The following ITCH variants were observed in gnomAD, a reference collection of about 807,000 sequenced individuals.
ITCH encodes the protein E3 ubiquitin-protein ligase Itchy homolog.
A neutral mutation model predicts 126.8 loss-of-function variants in ITCH; 28 were observed. The observed-to-expected ratio is 0.22, with a 90% CI of 0.16 to 0.30. ITCH has a LOEUF of 0.30. Among genes scored for constraint, ITCH ranks in the 10% least tolerant of loss-of-function variants. The pLI, the probability that ITCH is intolerant of heterozygous loss-of-function variation, is 1.00. For missense variants in ITCH, 631 were observed against 1,032.4 expected, an observed-to-expected ratio of 0.61 and a Z score of 5.33; for synonymous variants, 342 against 340.0, an observed-to-expected ratio of 1.01 and a Z score of -0.06.
chr20:34,473,695 T>G (rs1409118875), intron 16 of ITCH, among the ~76,000 whole-genome samples: 1 of 152,248 alleles, frequency 6.6e-6, no homozygotes, highest in Non-Finnish European at 1.5e-5. Context: ...TCAAACTTCT[T>G]TGATAGTGTT....
chr20:34,392,984 A>G (rs2038539468), intron 2 of ITCH, among the ~76,000 whole-genome samples: 1 of 152,214 alleles, frequency 6.6e-6, no homozygotes, highest in Admixed American at 6.5e-5. Context: ...GATGCTATTT[A>G]AAGCTATCTG....
rs1978344820 is a variant in ITCH at position 34,508,031 on chromosome 20, T to TGG, written c.*238_*239insGG. 8.4e-6 allele frequency: 4 copies of TGG among 477,114 alleles called. No homozygotes were observed. The highest frequency in any genetic ancestry group is 1.5e-5 in the Non-Finnish European group (4 of 259,368). The allele number at this position is 477,114 out of a possible 1,614,324, so 29.6% of individuals were successfully genotyped here. ...TTAACATGAGATTTTAACACAACAA[T>TGG]GAAATTTGCCTTGTCTTATTCCACT... On this transcript the variant is annotated 3_prime_UTR_variant, in exon 25 of 25. Transcript: ENST00000374864.
intron 7 of ITCH, among the ~76,000 whole-genome samples, chr20:34,427,481 A>T (rs954655678): frequency 8.5e-5 from 13 of 152,108 alleles, no homozygotes; most frequent in African/African-American, 3.1e-4. Context: ...GCCTGGTGGC[A>T]CGTGCCTGTA....
rs184323628 is a variant in ITCH at position 34,509,969 on chromosome 20, G to A, written c.*2175G>A. 14 of 152,612 alleles carry A rather than the reference G, an allele frequency of 9.2e-5. No homozygotes were observed. Among genetic ancestry groups the A allele is most frequent in the Non-Finnish European group, 1.8e-4 (12 of 68,002 alleles). 9.5% of individuals were successfully genotyped at this position (152,612 alleles called of 1,614,324 possible). On this transcript the variant is annotated 3_prime_UTR_variant, in exon 25 of 25. Coordinates refer to ENST00000374864, the MANE Select transcript of ITCH (RefSeq NM_031483.7). ...TCATTTAGGGACCTAGAAATATTGT[G>A]TGAAAATATATAAATATCACCCAAA...
intron 7 of ITCH, among the ~76,000 whole-genome samples, chr20:34,437,232 A>T (rs908468292): frequency 1.3e-5 from 2 of 152,218 alleles, no homozygotes; most frequent in Admixed American, 6.5e-5. Context: ...ATCATGTTAT[A>T]CTGTTTTTAT....
intron 6 of ITCH, among the ~76,000 whole-genome samples, chr20:34,420,167 A>G (rs971793684): frequency 1.3e-5 from 2 of 152,188 alleles, no homozygotes; most frequent in African/African-American, 4.8e-5. Flanking sequence ...TGTTTAGTGT[A>G]TTCACAGTGA....
At chr20:34,405,243 G>T (rs1211336952) in intron 3 of ITCH, among the ~76,000 whole-genome samples, 1 of 151,016 alleles carries the variant, frequency 6.6e-6, no homozygotes, top group African/African-American at 2.4e-5. Context: ...AGTGGCTCAC[G>T]CCTGTAATTC....
intron 2 of ITCH, among the ~76,000 whole-genome samples, chr20:34,393,216 A>G (rs1471959153): frequency 6.6e-6 from 1 of 152,206 alleles, no homozygotes; most frequent in African/African-American, 2.4e-5. Context: ...ATTGACTTCT[A>G]AATGGGTAAT....
rs771764384 is a variant in ITCH, at chr20:34,442,246, A to G, written c.908A>G (p.Tyr303Cys). Reference protein sequence around the residue: ...QRVDQHGRVYYVDHVEKRTTW... With the variant: ...QRVDQHGRVYCVDHVEKRTTW... ...GTGGACCAGCACGGGCGAGTTTACT[A>G]TGTAGATCATGTTGAGAAAAGAACA... The change falls in exon 10 of 25, where the codon TAT (tyrosine) becomes TGT (cysteine). Residue 303 changes from tyrosine to cysteine, a missense_variant. By Grantham distance (194) the Tyr-to-Cys change is radical. Around this residue, in one of 4 missense-constraint regions of ITCH, gnomAD observed 390 missense variants for 731.6 expected, o/e 0.53. Transcript: ENST00000374864. 2 of 1,614,088 alleles carry G rather than the reference A, an allele frequency of 1.2e-6. No individual in the cohort carries two copies. Among genetic ancestry groups the G allele is most frequent in the Non-Finnish European group, 8.5e-7 (1 of 1,179,946 alleles).
chr20:34,490,904 C>T (rs150945831), intron 22 of ITCH, among the ~76,000 whole-genome samples: 23 of 152,272 alleles, frequency 1.5e-4, no homozygotes, highest in Admixed American at 3.3e-4. Context: ...ATTCATTTAC[C>T]GACACAAAAT....
intron 4 of ITCH, among the ~76,000 whole-genome samples, chr20:34,409,419 G>C (rs548906332): frequency 6.6e-6 from 1 of 152,150 alleles, no homozygotes; most frequent in South Asian, 2.1e-4. Context: ...TTTTGAATGA[G>C]ATGGGGTCTT....
At chr20:34,450,551 C>T (rs1024598331) in intron 12 of ITCH, among the ~76,000 whole-genome samples, 1 of 152,108 alleles carries the variant, frequency 6.6e-6, no homozygotes, top group Non-Finnish European at 1.5e-5. Context: ...GTAATACTCA[C>T]AGCATTATAT....
intron 14 of ITCH, among the ~76,000 whole-genome samples, chr20:34,464,806 G>A (rs1268212240): frequency 1.3e-5 from 2 of 151,994 alleles, no homozygotes; most frequent in Admixed American, 1.3e-4. Flanking sequence ...TACCGCCTGG[G>A]TTGAAGCGAT....
At chr20:34,451,289 CAAA>C (rs1234630566) in intron 12 of ITCH, among the ~76,000 whole-genome samples, 9 of 71,198 alleles carry the variant, frequency 1.3e-4, no homozygotes, top group African/African-American at 2.5e-4. Context: ...GACTCCGTCT[CAAA>C]AAAAAAAAAA....
chr20:34,480,328 G>C (rs1000530523), intron 18 of ITCH, among the ~76,000 whole-genome samples: 1 of 152,002 alleles, frequency 6.6e-6, no homozygotes, highest in Non-Finnish European at 1.5e-5. Flanking sequence ...CTCCCGAGTA[G>C]CTGGGATTAC....
chr20:34,446,853 G>A (rs1483485252), intron 11 of ITCH, among the ~76,000 whole-genome samples: 1 of 152,102 alleles, frequency 6.6e-6, no homozygotes, highest in Non-Finnish European at 1.5e-5. Flanking sequence ...ATGACTTTGA[G>A]TAAGTTACTT....
intron 16 of ITCH, among the ~76,000 whole-genome samples, chr20:34,474,162 ACTTT>A (rs1344878305): frequency 6.6e-6 from 1 of 152,144 alleles, no homozygotes; most frequent in East Asian, 1.9e-4. Context: ...AAAATTGCAT[ACTTT>A]CTTTTTTTTT....
chr20:34,507,290 G>GTTTTTTTTGTT (rs372382674), intron 24 of ITCH, among the ~76,000 whole-genome samples: 1 of 70,006 alleles, frequency 1.4e-5, no homozygotes, highest in Non-Finnish European at 2.7e-5. Flanking sequence ...TTTTTTTTTT[G>GTTTTTTTTGTT]GTTGTTGTTG....
chr20:34,412,050 G>C (rs1006457684), intron 4 of ITCH, among the ~76,000 whole-genome samples: 4 of 152,086 alleles, frequency 2.6e-5, no homozygotes, highest in African/African-American at 9.7e-5. Context: ...CTACTTACTG[G>C]CTATTTGACC....
Sources: allele counts gnomAD v4.1 joint callset (sites outside exome capture counted in the v4.1 genomes callset), GRCh38; gene constraint gnomAD v4.1.1; regional missense constraint gnomAD v4.1.1; transcripts MANE v1.5; gene names NCBI Gene and HGNC (gene_info 2026-07-23, HGNC 2026-07-21).